The following NDUFAF2 variants were observed in gnomAD, a reference collection of about 807,000 sequenced individuals.
The protein encoded by NDUFAF2 is NADH:ubiquinone oxidoreductase complex assembly factor 2, also known as NADH dehydrogenase [ubiquinone] 1 alpha subcomplex assembly factor 2.
A neutral mutation model predicts 22.8 loss-of-function variants in NDUFAF2; 13 were observed. The ratio of observed to expected loss-of-function variants is 0.57; its 90% confidence interval spans 0.37 to 0.91. The LOEUF is 0.91. Among genes scored for constraint, NDUFAF2 ranks in the 40% least tolerant of loss-of-function variants. The pLI, the probability that NDUFAF2 is intolerant of heterozygous loss-of-function variation, is 0.01. For synonymous variants in NDUFAF2, 53 were observed against 64.2 expected, an observed-to-expected ratio of 0.83 and a Z score of 0.84; for missense variants, 162 against 195.2, an observed-to-expected ratio of 0.83 and a Z score of 1.01.
At chr5:60,972,627 T>G (rs1253023054) in intron 1 of NDUFAF2, among the ~76,000 whole-genome samples, 1 of 152,202 alleles carries the variant, frequency 6.6e-6, no homozygotes, top group African/African-American at 2.4e-5. Flanking sequence ...GAGAACAGAC[T>G]AATACAGCAT....
At chr5:61,057,707 AT>A (rs973566322) in intron 1 of NDUFAF2, among the ~76,000 whole-genome samples, 1 of 152,186 alleles carries the variant, frequency 6.6e-6, no homozygotes, top group Non-Finnish European at 1.5e-5. Flanking sequence ...TTTAAAGACA[AT>A]AGTTTGAAAA....
chr5:61,005,874 T>C (rs1214632248), intron 1 of NDUFAF2, among the ~76,000 whole-genome samples: 1 of 152,196 alleles, frequency 6.6e-6, no homozygotes. Context: ...GTAAAAATTT[T>C]CTCCCATTCT....
chr5:60,973,514 G>A (rs1053848623), intron 1 of NDUFAF2, among the ~76,000 whole-genome samples: 5 of 152,144 alleles, frequency 3.3e-5, no homozygotes, highest in Non-Finnish European at 7.3e-5. Flanking sequence ...CGTGAACTGA[G>A]GGAAATTCTA....
chr5:61,050,665 T>C (rs1242047661), intron 1 of NDUFAF2: 1 of 152,208 alleles, frequency 6.6e-6, no homozygotes, highest in African/African-American at 2.4e-5. Context: ...CAAGTTCAGT[T>C]TTCCTTTCAT....
At chr5:61,113,978 TTTGA>T (rs1462173597) in intron 3 of NDUFAF2, among the ~76,000 whole-genome samples, 6 of 152,182 alleles carry the variant, frequency 3.9e-5, no homozygotes, top group Non-Finnish European at 7.3e-5. Context: ...CCTTTGGGAG[TTTGA>T]TTATTAAATG....
At position 61,035,620 on chromosome 5, in the gene NDUFAF2, A is replaced by C. The variant is rs555097672; in HGVS notation, c.128-37505A>C. ...CTCTTCTCTCCTTCTCTTCCCCACT[A>C]CACCAAAAAGGACAAGACACAAATC... is the stretch of plus-strand genomic sequence containing the variant. On this transcript the variant is annotated intron_variant, in intron 1 of 3. Coordinates refer to ENST00000296597, the MANE Select transcript of NDUFAF2 (RefSeq NM_174889.5). Among the ~76,000 whole-genome samples the C allele has an allele frequency of 6.6e-5, 10 of 151,868 alleles. No individual in the cohort carries two copies. The South Asian group carries it at 2.1e-3, about 32-fold the overall frequency.
At chr5:61,079,536 C>T (rs911646500) in intron 2 of NDUFAF2, among the ~76,000 whole-genome samples, 4 of 152,250 alleles carry the variant, frequency 2.6e-5, no homozygotes, top group African/African-American at 9.6e-5. Context: ...AATAAACTCA[C>T]ATTGCGACGC....
intron 3 of NDUFAF2, among the ~76,000 whole-genome samples, chr5:61,148,565 A>G (rs1052890181): frequency 3.9e-5 from 6 of 152,162 alleles, no homozygotes; most frequent in Admixed American, 1.3e-4. Flanking sequence ...TTCTTTCCCA[A>G]CCTTTACAAC....
At chr5:61,093,172 T>C (rs1031457846) in intron 2 of NDUFAF2, among the ~76,000 whole-genome samples, 1 of 152,238 alleles carries the variant, frequency 6.6e-6, no homozygotes, top group African/African-American at 2.4e-5. Context: ...CCTGCTTTAT[T>C]CTAGCCATGC....
At chr5:60,948,551 CTT>C (rs55712639) in intron 1 of NDUFAF2, among the ~76,000 whole-genome samples, 143 of 145,000 alleles carry the variant, frequency 9.9e-4, no homozygotes, top group Middle Eastern at 3.6e-3. Flanking sequence ...ACATATTCTG[CTT>C]TTTTTTTTTT....
chr5:61,093,045 C>G (rs1401400669), intron 2 of NDUFAF2, among the ~76,000 whole-genome samples: 4 of 152,122 alleles, frequency 2.6e-5, no homozygotes, highest in Non-Finnish European at 5.9e-5. Flanking sequence ...GGTGTAAGTT[C>G]AAGAATCTAA....
intron 3 of NDUFAF2, among the ~76,000 whole-genome samples, chr5:61,113,788 A>G (rs764784963): frequency 4.7e-5 from 7 of 150,154 alleles, no homozygotes; most frequent in African/African-American, 7.3e-5. Flanking sequence ...TATTAGCAAC[A>G]TAAGAACAAC....
At chr5:60,954,948 T>G (rs1237132517) in intron 1 of NDUFAF2, among the ~76,000 whole-genome samples, 1 of 152,208 alleles carries the variant, frequency 6.6e-6, no homozygotes, top group Non-Finnish European at 1.5e-5. Flanking sequence ...TTTTTGCTAT[T>G]AAGTCATAGA....
At chr5:61,070,996 CA>C (rs1233456789) in intron 1 of NDUFAF2, among the ~76,000 whole-genome samples, 2 of 152,108 alleles carry the variant, frequency 1.3e-5, no homozygotes, top group South Asian at 4.1e-4. Context: ...TTGACTAACA[CA>C]TTTTGAAAAT....
chr5:60,966,320 T>C (rs1750758068), intron 1 of NDUFAF2, among the ~76,000 whole-genome samples: 1 of 152,180 alleles, frequency 6.6e-6, no homozygotes, highest in South Asian at 2.1e-4. Flanking sequence ...ATTCCAAAGG[T>C]TGTGTCTTTA....
intron 1 of NDUFAF2, among the ~76,000 whole-genome samples, chr5:61,038,228 T>G (rs972231415): frequency 1.3e-5 from 2 of 152,002 alleles, no homozygotes; most frequent in Admixed American, 6.6e-5. Flanking sequence ...TCATCAAAAA[T>G]AAAATACTCT....
intron 3 of NDUFAF2, among the ~76,000 whole-genome samples, chr5:61,127,284 T>G (rs1252600005): frequency 2.0e-5 from 3 of 152,150 alleles, no homozygotes; most frequent in Non-Finnish European, 4.4e-5. Context: ...TAACTCATTT[T>G]ATGAGGCCAG....
rs560183551 is a variant in NDUFAF2, at chr5:61,150,729, C to T, written c.259-1975C>T. On this transcript the variant is annotated intron_variant, in intron 3 of 3. Transcript: ENST00000296597. Reference sequence around the variant, plus strand: ...TGAGTATCCTCTTGCTGCTTGAGGTCGGTTACTAGTGGAAGTTTAACCTGG... The same window carrying T: ...TGAGTATCCTCTTGCTGCTTGAGGTTGGTTACTAGTGGAAGTTTAACCTGG... Among the ~76,000 whole-genome samples the T allele has an allele frequency of 3.1e-4, 47 of 152,214 alleles. No individual in the cohort carries two copies. In the South Asian group the frequency reaches 8.3e-3, roughly 27 times the overall value.
At chr5:61,135,380 G>A (rs1740909953) in intron 3 of NDUFAF2, among the ~76,000 whole-genome samples, 1 of 152,164 alleles carries the variant, frequency 6.6e-6, no homozygotes, top group Non-Finnish European at 1.5e-5. Context: ...ATGTCAAAAG[G>A]ATATAGGAGC....
Sources: allele counts gnomAD v4.1 joint callset (sites outside exome capture counted in the v4.1 genomes callset), GRCh38; gene constraint gnomAD v4.1.1; transcripts MANE v1.5; gene names NCBI Gene and HGNC (gene_info 2026-07-23, HGNC 2026-07-21).